CHSY3: variants seen among roughly 807,000 people sequenced by gnomAD.
The protein encoded by CHSY3 is N-acetylgalactosaminyl-proteoglycan 3-beta-glucuronosyltransferase 3.
Under a neutral mutation model 67.2 loss-of-function variants are expected in CHSY3, and 35 were observed. The ratio of observed to expected loss-of-function variants is 0.52; its 90% CI spans 0.40 to 0.69. The LOEUF (loss-of-function observed/expected upper bound fraction) is 0.69, where lower values mean the gene tolerates loss of function less well. CHSY3 is among the 30% of genes least tolerant of loss of function. The pLI is 0.00. For missense variants in CHSY3, 1,069 were observed against 1,138.5 expected, an observed-to-expected ratio of 0.94 and a Z score of 0.88; for synonymous variants, 474 against 434.7, an observed-to-expected ratio of 1.09 and a Z score of -1.12.
At chr5:130,165,163 C>T (rs1307340144) in intron 2 of CHSY3, among the ~76,000 whole-genome samples, 1 of 152,066 alleles carries the variant, frequency 6.6e-6, no homozygotes, top group Non-Finnish European at 1.5e-5. Flanking sequence ...GGAAAGATGC[C>T]TCATGTTGCA....
chr5:129,979,969 A>G (rs1453551806), intron 2 of CHSY3, among the ~76,000 whole-genome samples: 1 of 152,328 alleles, frequency 6.6e-6, no homozygotes, highest in East Asian at 1.9e-4. Context: ...TTTCCCTGAT[A>G]TATACCTCAT....
chr5:130,170,429 C>T (rs1769867473), intron 2 of CHSY3, among the ~76,000 whole-genome samples: 1 of 152,022 alleles, frequency 6.6e-6, no homozygotes, highest in African/African-American at 2.4e-5. Context: ...CTATTGTTAA[C>T]AATGCTGTGA....
intron 2 of CHSY3, among the ~76,000 whole-genome samples, chr5:130,117,464 A>G (rs1767847988): frequency 6.6e-6 from 1 of 152,152 alleles, no homozygotes; most frequent in Admixed American, 6.5e-5. Flanking sequence ...TTCCCAGTCA[A>G]TGGCTTTCTC....
intron 2 of CHSY3, among the ~76,000 whole-genome samples, chr5:129,942,051 TCA>T (rs1036700690): frequency 2.6e-5 from 4 of 152,288 alleles, no homozygotes; most frequent in Middle Eastern, 3.4e-3. Flanking sequence ...TATGGGAGCT[TCA>T]CAGTGTCATC....
At chr5:130,022,632 G>C (rs1764426508) in intron 2 of CHSY3, among the ~76,000 whole-genome samples, 1 of 151,860 alleles carries the variant, frequency 6.6e-6, no homozygotes, top group Non-Finnish European at 1.5e-5. Context: ...TGACCAGGGA[G>C]TGAAATGATA....
chr5:129,905,342 C>A lies in CHSY3; in HGVS notation c.513C>A (p.Asp171Glu). The change falls in exon 1 of 3, where the codon GAC becomes GAA. Residue 171 changes from aspartate (D) to glutamate (E), a missense_variant. Transcript: ENST00000305031. Reference protein sequence around the residue: ...GAAAPSARPRDFLYVGVMTAQ... With the variant: ...GAAAPSARPREFLYVGVMTAQ... ...CCGCCCCGAGCGCCCGACCCCGGGA[C>A]TTCCTGTACGTGGGGGTGATGACCG... 1 of 1,554,822 alleles carries A rather than the reference C, an allele frequency of 6.4e-7. No individual in the cohort carries two copies. The highest frequency in any genetic ancestry group is 8.7e-7 in the Non-Finnish European group (1 of 1,153,564).
chr5:130,141,661 G>T lies in CHSY3; in HGVS notation c.1087-42568G>T, dbSNP rs761707456. ...GAATTCAGTTGAAAGCTATGCATTCGATATGAAAGCAGCTGTTGAAGATGA... is the reference window on the plus strand; with the variant it reads ...GAATTCAGTTGAAAGCTATGCATTCTATATGAAAGCAGCTGTTGAAGATGA... On this transcript the variant is annotated intron_variant, in intron 2 of 2. Coordinates refer to ENST00000305031, the MANE Select transcript of CHSY3 (RefSeq NM_175856.5). 1.3e-5 allele frequency: 7 copies of T among 527,144 alleles called. 1 individual carries two copies. Among genetic ancestry groups the T allele is most frequent in the Admixed American group, 9.8e-5 (5 of 51,012 alleles). 32.7% of individuals were successfully genotyped at this position (527,144 alleles called of 1,614,324 possible).
chr5:130,183,209 G>T (rs1378404916), intron 2 of CHSY3, among the ~76,000 whole-genome samples: 1 of 151,902 alleles, frequency 6.6e-6, no homozygotes, highest in Non-Finnish European at 1.5e-5. Flanking sequence ...GGAAGAATCA[G>T]CTGGCGGTTT....
chr5:130,157,071 A>C (rs1769392964), intron 2 of CHSY3, among the ~76,000 whole-genome samples: 2 of 152,312 alleles, frequency 1.3e-5, no homozygotes, highest in South Asian at 4.1e-4. Flanking sequence ...AAATGTGCAC[A>C]TGTTGAGGTT....
At chr5:129,916,425 A>G (rs1221245146) in intron 2 of CHSY3, among the ~76,000 whole-genome samples, 2 of 152,196 alleles carry the variant, frequency 1.3e-5, no homozygotes, top group African/African-American at 4.8e-5. Context: ...AAATGTGGTC[A>G]CCTAGCTACT....
chr5:130,060,259 C>T (rs1167547825), intron 2 of CHSY3, among the ~76,000 whole-genome samples: 7 of 152,172 alleles, frequency 4.6e-5, no homozygotes, highest in African/African-American at 1.7e-4. Context: ...GATGGTTCAA[C>T]ATCCACAAAT....
intron 2 of CHSY3, among the ~76,000 whole-genome samples, chr5:130,052,333 TC>T (rs1765389885): frequency 6.6e-6 from 1 of 152,134 alleles, no homozygotes; most frequent in Non-Finnish European, 1.5e-5. Flanking sequence ...GGGGTGTGGT[TC>T]CCAGAGCAAG....
At position 130,186,394 on chromosome 5, in the gene CHSY3, A is replaced by C. The variant is rs1770423858; in HGVS notation, c.*603A>C. On this transcript the variant is annotated 3_prime_UTR_variant, in exon 3 of 3. Coordinates refer to ENST00000305031, the MANE Select transcript of CHSY3 (RefSeq NM_175856.5). ...TAAAAATTGAGGAGTTTTGTTCCAC[A>C]AGCAACCGGTACTGGCTACCCTGGT... The C allele has an allele frequency of 6.6e-6, 1 of 150,710 alleles. No homozygotes were observed. Among genetic ancestry groups the C allele is most frequent in the African/African-American group, 2.5e-5 (1 of 39,538 alleles). 9.3% of individuals were successfully genotyped at this position (150,710 alleles called of 1,614,324 possible).
At chr5:129,933,174 G>A (rs1469436192) in intron 2 of CHSY3, among the ~76,000 whole-genome samples, 3 of 152,138 alleles carry the variant, frequency 2.0e-5, no homozygotes, top group Non-Finnish European at 1.5e-5. Context: ...ATCAAACAAA[G>A]GTTAGAACTG....
intron 2 of CHSY3, among the ~76,000 whole-genome samples, chr5:130,059,006 A>G (rs954799694): frequency 2.6e-5 from 4 of 152,130 alleles, no homozygotes; most frequent in Non-Finnish European, 5.9e-5. Context: ...GTATGGGTCA[A>G]CTTGTCTATG....
intron 2 of CHSY3, among the ~76,000 whole-genome samples, chr5:130,183,139 G>T (rs1770299902): frequency 6.7e-6 from 1 of 149,040 alleles, no homozygotes; most frequent in African/African-American, 2.5e-5. Flanking sequence ...TCTTTTTATT[G>T]TTCATAATCA....
At chr5:129,914,303 G>C (rs1416480001) in intron 2 of CHSY3, among the ~76,000 whole-genome samples, 1 of 152,056 alleles carries the variant, frequency 6.6e-6, no homozygotes, top group Non-Finnish European at 1.5e-5. Flanking sequence ...AGTAGAGATG[G>C]GGTTTCTCCA....
In CHSY3 at chr5:129,905,346, C is replaced by T; in HGVS notation, c.517C>T (p.Leu173=). Residue 173 remains leucine (L), a synonymous_variant, in exon 1 of 3, where the codon CTG becomes TTG. Transcript: ENST00000305031. ...CCCGAGCGCCCGACCCCGGGACTTC[C>T]TGTACGTGGGGGTGATGACCGCGCA... ...AAPSARPRDF[L]YVGVMTAQKY... is the part of the protein sequence containing the mutation. The T allele has an allele frequency of 1.3e-6, 2 of 1,559,742 alleles. No individual in the cohort carries two copies. The highest frequency in any genetic ancestry group is 8.7e-7 in the Non-Finnish European group (1 of 1,155,994).
At chr5:129,940,251 A>C (rs1028316158) in intron 2 of CHSY3, among the ~76,000 whole-genome samples, 5 of 152,148 alleles carry the variant, frequency 3.3e-5, no homozygotes, top group African/African-American at 7.2e-5. Flanking sequence ...TTAAAAAAAA[A>C]CAACTGAATT....
Sources: gnomAD v4.1 joint callset for allele counts (sites outside exome capture counted in the v4.1 genomes callset) on GRCh38, gnomAD v4.1.1 for gene constraint, MANE v1.5 for transcripts, NCBI Gene and HGNC (gene_info 2026-07-23, HGNC 2026-07-21) for gene names.